The following RBFOX1 variants were observed in gnomAD, a reference collection of about 807,000 sequenced individuals.
RBFOX1 encodes RNA binding fox-1 homolog 1.
In RBFOX1, 8 loss-of-function variants were observed where a neutral mutation model predicts 57.7. The observed-to-expected ratio is 0.14, with a 90% CI of 0.08 to 0.25. RBFOX1 has a LOEUF of 0.25. Among genes scored for constraint, RBFOX1 ranks in the 10% least tolerant of loss-of-function variants. The pLI, the probability that RBFOX1 is intolerant of heterozygous loss-of-function variation, is 1.00. For missense variants in RBFOX1, 611 were observed against 548.5 expected, an observed-to-expected ratio of 1.11 and a Z score of -1.14; for synonymous variants, 326 against 222.4, an observed-to-expected ratio of 1.47 and a Z score of -4.15.
chr16:5,538,869 G>C (rs909517282), intron 2 of RBFOX1, among the ~76,000 whole-genome samples: 1 of 152,010 alleles, frequency 6.6e-6, no homozygotes, highest in Admixed American at 6.6e-5. Flanking sequence ...ATCATGATCT[G>C]CCCACCTCAG....
chr16:7,265,593 C>T (rs12102393), intron 4 of RBFOX1, among the ~76,000 whole-genome samples: 15 of 152,062 alleles, frequency 9.9e-5, no homozygotes, highest in African/African-American at 3.6e-4. Flanking sequence ...GGATTACAGG[C>T]ACCCACCACC....
chr16:6,157,512 C>A (rs1233909455), intron 1 of RBFOX1, among the ~76,000 whole-genome samples: 1 of 152,080 alleles, frequency 6.6e-6, no homozygotes, highest in Non-Finnish European at 1.5e-5. Flanking sequence ...TGTGGTAATC[C>A]TATTCTGCCA....
chr16:6,968,927 T>G (rs1320855308), intron 3 of RBFOX1, among the ~76,000 whole-genome samples: 1 of 152,016 alleles, frequency 6.6e-6, no homozygotes, highest in Admixed American at 6.6e-5. Context: ...TAGAGGAAAG[T>G]TCCCAGTCCC....
chr16:5,544,951 CTTTTTTTTT>C (rs59873374), intron 2 of RBFOX1, among the ~76,000 whole-genome samples: 2 of 124,408 alleles, frequency 1.6e-5, no homozygotes, highest in Non-Finnish European at 1.6e-5. Flanking sequence ...CTATTACATT[CTTTTTTTTT>C]TTTTTTTTTT....
chr16:5,922,202 C>G (rs556455542), intron 4 of RBFOX1, among the ~76,000 whole-genome samples: 59 of 152,192 alleles, frequency 3.9e-4, no homozygotes, highest in African/African-American at 1.3e-3. Context: ...TCTATGTGAA[C>G]TCAGAGCGAG....
intron 3 of RBFOX1, among the ~76,000 whole-genome samples, chr16:6,817,642 G>A (rs939588377): frequency 3.3e-5 from 5 of 151,818 alleles, no homozygotes; most frequent in East Asian, 1.9e-4. Flanking sequence ...GGAGGAGGTT[G>A]CAGTGAGCTG....
intron 9 of RBFOX1, among the ~76,000 whole-genome samples, chr16:7,601,629 C>G (rs1461311459): frequency 6.6e-6 from 1 of 151,864 alleles, no homozygotes; most frequent in Non-Finnish European, 1.5e-5. Context: ...AAATCAACAC[C>G]ACCACCACCA....
At chr16:5,757,568 A>T (rs140895931) in intron 3 of RBFOX1, among the ~76,000 whole-genome samples, 1 of 152,288 alleles carries the variant, frequency 6.6e-6, no homozygotes, top group East Asian at 1.9e-4. Flanking sequence ...AGAAGAACAC[A>T]TCATTTCAAC....
At chr16:5,775,933 CT>C (rs1170741877) in intron 3 of RBFOX1, among the ~76,000 whole-genome samples, 2 of 152,200 alleles carry the variant, frequency 1.3e-5, no homozygotes, top group African/African-American at 4.8e-5. Flanking sequence ...TGAGGTGCCC[CT>C]GTTCTTGTCT....
chr16:7,067,631 C>G (rs2056398098), intron 4 of RBFOX1, among the ~76,000 whole-genome samples: 1 of 150,942 alleles, frequency 6.6e-6, no homozygotes, highest in Non-Finnish European at 1.5e-5. Flanking sequence ...GTGTGGTGCA[C>G]CCATTAACTC....
rs1251424254 is a variant in RBFOX1 at position 6,734,288 on chromosome 16, G to T, written c.-16+79638G>T. The stretch of plus-strand genomic sequence containing the variant: ...GTTAAGCAGTGTGCATGCGAGGGCT[G>T]GTATAGAGATATTTGCTTTGTTCAG... On this transcript the variant is annotated intron_variant, in intron 3 of 15. Transcript: ENST00000550418. Among the ~76,000 whole-genome samples, 3 of 152,222 alleles carry T rather than the reference G, an allele frequency of 2.0e-5. No homozygotes were observed. The East Asian group carries it at 5.8e-4, about 29-fold the overall frequency.
intron 2 of RBFOX1, among the ~76,000 whole-genome samples, chr16:5,562,733 G>GT (rs1031299854): frequency 2.2e-4 from 33 of 151,984 alleles, no homozygotes; most frequent in Admixed American, 7.9e-4. Context: ...CTATATTTTT[G>GT]TTTTTTTCTG....
At chr16:6,972,158 T>C (rs2085709793) in intron 3 of RBFOX1, among the ~76,000 whole-genome samples, 2 of 152,124 alleles carry the variant, frequency 1.3e-5, no homozygotes, top group Admixed American at 1.3e-4. Flanking sequence ...TTCAGTAGTG[T>C]TCAGTATATT....
chr16:7,037,717 C>T (rs1385879236), intron 3 of RBFOX1, among the ~76,000 whole-genome samples: 3 of 152,136 alleles, frequency 2.0e-5, no homozygotes, highest in African/African-American at 7.2e-5. Context: ...TAGACCCAGG[C>T]AAGGAATTTG....
intron 2 of RBFOX1, among the ~76,000 whole-genome samples, chr16:5,491,104 A>C (rs2042813056): frequency 2.6e-5 from 4 of 152,198 alleles, no homozygotes; most frequent in Admixed American, 2.6e-4. Context: ...ATCTTACGGG[A>C]CCACCGTCAT....
chr16:6,001,533 C>G (rs1244462950), intron 4 of RBFOX1, among the ~76,000 whole-genome samples: 1 of 152,122 alleles, frequency 6.6e-6, no homozygotes, highest in African/African-American at 2.4e-5. Context: ...AGAGTCCATG[C>G]TTTTAACAAT....
At chr16:6,008,717 T>G (rs1237610540) in intron 4 of RBFOX1, among the ~76,000 whole-genome samples, 1 of 152,212 alleles carries the variant, frequency 6.6e-6, no homozygotes, top group Non-Finnish European at 1.5e-5. Flanking sequence ...GCAGAGCGTT[T>G]AGCCTTGGCA....
chr16:6,522,566 T>C (rs2096522598), intron 2 of RBFOX1, among the ~76,000 whole-genome samples: 1 of 152,234 alleles, frequency 6.6e-6, no homozygotes, highest in Non-Finnish European at 1.5e-5. Context: ...TTAATTTAGC[T>C]GACAGGAAAG....
intron 3 of RBFOX1, among the ~76,000 whole-genome samples, chr16:6,825,195 C>G (rs1266965655): frequency 2.0e-5 from 3 of 149,934 alleles, no homozygotes; most frequent in Middle Eastern, 3.4e-3. Flanking sequence ...TGTGGGGGGG[C>G]TGACGTGTTT....
Sources: gnomAD v4.1 joint callset for allele counts (sites outside exome capture counted in the v4.1 genomes callset) on GRCh38, gnomAD v4.1.1 for gene constraint, MANE v1.5 for transcripts, NCBI Gene and HGNC (gene_info 2026-07-23, HGNC 2026-07-21) for gene names.